PTPRD: variants seen among roughly 807,000 people sequenced by gnomAD.
The protein encoded by PTPRD is receptor-type tyrosine-protein phosphatase delta.
Under a neutral mutation model 214.5 loss-of-function variants are expected in PTPRD, and 34 were observed. That is an observed-to-expected ratio of 0.16 (90% CI 0.12 to 0.21). PTPRD has a LOEUF of 0.21. Ranked by LOEUF, PTPRD falls within the 10% of genes least tolerant of loss-of-function variation. The pLI, the probability that PTPRD is intolerant of heterozygous loss-of-function variation, is 1.00. For missense variants in PTPRD, 2,545 were observed against 2,398.7 expected, an observed-to-expected ratio of 1.06 and a Z score of -1.27; for synonymous variants, 1,128 against 845.7, an observed-to-expected ratio of 1.33 and a Z score of -5.79.
intron 2 of PTPRD, among the ~76,000 whole-genome samples, chr9:10,571,916 C>T (rs1232412626): frequency 6.6e-6 from 1 of 152,166 alleles, no homozygotes; most frequent in East Asian, 1.9e-4. Flanking sequence ...CACTACTCAC[C>T]TCCTGCTGAG....
intron 4 of PTPRD, among the ~76,000 whole-genome samples, chr9:9,991,647 C>T (rs1356686000): frequency 2.6e-5 from 4 of 152,148 alleles, no homozygotes; most frequent in African/African-American, 9.7e-5. Context: ...AGGCATGAGC[C>T]ACTGTGCCCG....
chr9:10,099,373 G>C (rs1418043016), intron 3 of PTPRD, among the ~76,000 whole-genome samples: 1 of 151,592 alleles, frequency 6.6e-6, no homozygotes, highest in African/African-American at 2.4e-5. Flanking sequence ...TAATATAATA[G>C]AGTCCATTTT....
chr9:9,131,592 A>C (rs1036468205), intron 10 of PTPRD, among the ~76,000 whole-genome samples: 5 of 152,228 alleles, frequency 3.3e-5, no homozygotes, highest in Admixed American at 2.6e-4. Flanking sequence ...GTCATTTTAC[A>C]GAGAAGTACA....
At chr9:9,335,154 G>C (rs117909543) in intron 9 of PTPRD, among the ~76,000 whole-genome samples, 4 of 151,904 alleles carry the variant, frequency 2.6e-5, no homozygotes, top group Admixed American at 2.0e-4. Flanking sequence ...TTCCGTGTTA[G>C]CTTTGCTATT....
At chr9:8,415,172 T>C (rs2093840297) in intron 35 of PTPRD, among the ~76,000 whole-genome samples, 1 of 152,160 alleles carries the variant, frequency 6.6e-6, no homozygotes, top group South Asian at 2.1e-4. Context: ...TTCACCCTTG[T>C]TCACCTTAAC....
At chr9:8,437,283 T>C in intron 34 of PTPRD, 1 of 1,397,226 alleles carries the variant, frequency 7.2e-7, no homozygotes, top group African/African-American at 1.5e-5. Context: ...ATAGAACAAA[T>C]TCTTCAAAAA....
intron 3 of PTPRD, among the ~76,000 whole-genome samples, chr9:10,073,860 T>C (rs958164619): frequency 8.5e-5 from 13 of 152,096 alleles, no homozygotes; most frequent in African/African-American, 3.1e-4. Context: ...TTTTGAAAGA[T>C]TTTTCAAAAA....
intron 39 of PTPRD, among the ~76,000 whole-genome samples, chr9:8,350,718 G>C (rs535871633): frequency 4.6e-5 from 7 of 152,178 alleles, no homozygotes; most frequent in African/African-American, 1.7e-4. Flanking sequence ...AGGATAACTA[G>C]AGAAATTATA....
intron 10 of PTPRD, among the ~76,000 whole-genome samples, chr9:9,053,543 A>T (rs1288218654): frequency 6.6e-6 from 1 of 152,158 alleles, no homozygotes; most frequent in Non-Finnish European, 1.5e-5. Context: ...AAATTAGCTT[A>T]GGAAGGATCC....
chr9:8,916,330 T>C (rs985253864), intron 11 of PTPRD, among the ~76,000 whole-genome samples: 11 of 152,148 alleles, frequency 7.2e-5, no homozygotes, highest in Admixed American at 6.5e-4. Context: ...ACATTTATTA[T>C]GACAATTATG....
chr9:9,352,485 G>A lies in PTPRD; in HGVS notation c.-203+44964C>T, dbSNP rs2051790649. ...TCTCCTGGAAATTACAACAAAATCT[G>A]CCTCATTTGTTTTCATAACATTTTG... On this transcript the variant is annotated intron_variant, in intron 9 of 45. Transcript: ENST00000381196. Among the ~76,000 whole-genome samples the A allele has an allele frequency of 7.3e-5, 11 of 151,570 alleles. No homozygotes were observed. The Admixed American group carries it at 7.3e-4, about 10-fold the overall frequency.
chr9:9,876,358 T>C (rs1019246119), intron 5 of PTPRD, among the ~76,000 whole-genome samples: 3 of 152,142 alleles, frequency 2.0e-5, no homozygotes, highest in African/African-American at 4.8e-5. Flanking sequence ...CTTTTTAAAG[T>C]AGGGCTTCAG....
At chr9:10,254,793 T>A (rs2498611) in intron 3 of PTPRD, among the ~76,000 whole-genome samples, 1 of 152,074 alleles carries the variant, frequency 6.6e-6, no homozygotes, top group South Asian at 2.1e-4. Flanking sequence ...AGAATTTCTA[T>A]AAGCTATGCT....
At chr9:9,384,425 AG>A (rs1596828633) in intron 9 of PTPRD, among the ~76,000 whole-genome samples, 1 of 128,710 alleles carries the variant, frequency 7.8e-6, no homozygotes, top group Non-Finnish European at 1.6e-5. Context: ...AGTTCAATGT[AG>A]AAACATCATT....
intron 42 of PTPRD, among the ~76,000 whole-genome samples, chr9:8,339,267 C>T (rs1042848627): frequency 5.9e-5 from 9 of 152,236 alleles, no homozygotes; most frequent in South Asian, 4.2e-4. Flanking sequence ...GCATCCAGCA[C>T]GGTCTCTGGC....
intron 2 of PTPRD, among the ~76,000 whole-genome samples, chr9:10,488,710 G>C (rs2099149133): frequency 6.6e-6 from 1 of 152,036 alleles, no homozygotes; most frequent in South Asian, 2.1e-4. Flanking sequence ...CTTTCCAAAG[G>C]CAGAGAACTC....
chr9:9,586,488 C>A lies in PTPRD; in HGVS notation c.-286-11707G>T, dbSNP rs551638215. On this transcript the variant is annotated intron_variant, in intron 7 of 45. Transcript: ENST00000381196. The stretch of plus-strand genomic sequence containing the variant: ...AAAATATTCTCATTGAACATTATTG[C>A]TTCTTCTGTCAGTTGTTCAATATGA... Among the ~76,000 whole-genome samples the A allele has an allele frequency of 8.6e-5, 13 of 151,966 alleles. No individual in the cohort carries two copies. The South Asian group carries it at 2.7e-3, about 31-fold the overall frequency.
intron 12 of PTPRD, among the ~76,000 whole-genome samples, chr9:8,669,238 G>C (rs1306314251): frequency 6.6e-6 from 1 of 152,116 alleles, no homozygotes; most frequent in Admixed American, 6.5e-5. Context: ...ATTTCAAGGA[G>C]AGCTTCCAGA....
At chr9:10,265,915 A>C (rs1357709552) in intron 3 of PTPRD, among the ~76,000 whole-genome samples, 1 of 152,222 alleles carries the variant, frequency 6.6e-6, no homozygotes, top group Non-Finnish European at 1.5e-5. Context: ...TCCCGCAAAA[A>C]TATAAAGCTT....
Sources: allele counts gnomAD v4.1 joint callset (sites outside exome capture counted in the v4.1 genomes callset), GRCh38; gene constraint gnomAD v4.1.1; transcripts MANE v1.5; gene names NCBI Gene and HGNC (gene_info 2026-07-23, HGNC 2026-07-21).